CANT1: variants seen among roughly 807,000 people sequenced by gnomAD.
The protein encoded by CANT1 is calcium activated nucleotidase 1, also known as soluble calcium-activated nucleotidase 1.
A neutral mutation model predicts 30.0 loss-of-function variants in CANT1; 26 were observed. The observed-to-expected ratio is 0.87, with a 90% CI of 0.64 to 1.20. The LOEUF (loss-of-function observed/expected upper bound fraction) is 1.20, where lower values mean the gene tolerates loss of function less well. Among genes scored for constraint, CANT1 ranks in the 50% most tolerant of loss-of-function variants. The pLI is 0.00. For synonymous variants in CANT1, 246 were observed against 251.8 expected (o/e 0.98, Z 0.22); for missense variants, 518 against 563.0 (o/e 0.92, Z 0.81).
In CANT1 at chr17:78,993,885, T is replaced by C. The variant is rs1423438686; in HGVS notation, c.871A>G (p.Thr291Ala). ...GGCAGGAAGAACCAGCGCTGCAGCGTGTCACTCCAGCAGGCAGACTCATGG... is the reference window on the plus strand; with the variant it reads ...GGCAGGAAGAACCAGCGCTGCAGCGCGTCACTCCAGCAGGCAGACTCATGG... ...LIHESACWSD[T>A]LQRWFFLPRR... The change falls in exon 5 of 5, where the codon ACG becomes GCG. Residue 291 changes from threonine (T) to alanine (A), a missense_variant. Physicochemically the swap from Thr to Ala is moderately conservative, Grantham distance 58 (BLOSUM62 0). Transcript: ENST00000392446. The surrounding 1 kb of genome is among the most constrained non-coding windows in gnomAD (Gnocchi z 4.5). 8 of 1,593,664 alleles carry C rather than the reference T, an allele frequency of 5.0e-6. No homozygotes were observed. The highest frequency in any genetic ancestry group is 6.8e-6 in the Non-Finnish European group (8 of 1,175,650).
Position 79,002,536 on chromosome 17 carries a change from G to A in CANT1, c.-146-4573C>T, listed in dbSNP as rs1020325322. Among the ~76,000 whole-genome samples the A allele has an allele frequency of 1.1e-4, 17 of 152,002 alleles. No homozygotes were observed. The highest frequency in any genetic ancestry group is 3.4e-4 in the African/African-American group (14 of 41,374). On this transcript the variant is annotated intron_variant, in intron 1 of 4. Coordinates refer to ENST00000392446, the MANE Select transcript of CANT1 (RefSeq NM_001159773.2). This position sits in a 1 kb window ranked among gnomAD's most constrained non-coding sequence, Gnocchi z 4.0. ...GTGTGTAGACGCGGCCTGCGTAGAC[G>A]CGGCCTGCTGTGTAGTCACGTCCTG...
At position 78,992,981 on chromosome 17, in the gene CANT1, G is replaced by A. The variant is rs2070889534; in HGVS notation, c.*569C>T. On this transcript the variant is annotated 3_prime_UTR_variant, in exon 5 of 5. Coordinates refer to ENST00000392446, the MANE Select transcript of CANT1 (RefSeq NM_001159773.2). ...CCTGAGAACCAACAGATGTGCCTGC[G>A]CCCTGGCCTGTGCAGCTGTGGGCAG... 5.7e-6 allele frequency: 2 copies of A among 352,364 alleles called. No individual in the cohort carries two copies. The highest frequency in any genetic ancestry group is 3.6e-5 in the South Asian group (1 of 27,812). 21.8% of individuals were successfully genotyped at this position (352,364 alleles called of 1,614,324 possible).
At chr17:79,001,857 A>G (rs1158887030) in intron 1 of CANT1, among the ~76,000 whole-genome samples, 1 of 152,060 alleles carries the variant, frequency 6.6e-6, no homozygotes, top group Admixed American at 6.5e-5. Flanking sequence ...GAGCCTCCTC[A>G]TCCGATACCC....
In CANT1 at chr17:78,993,982, A is replaced by G. The variant is rs2070934942; in HGVS notation, c.836-62T>C. 4.6e-6 allele frequency: 7 copies of G among 1,517,970 alleles called. No individual in the cohort carries two copies. Among genetic ancestry groups the G allele is most frequent in the Non-Finnish European group, 6.2e-6 (7 of 1,136,916 alleles). 94.0% of individuals were successfully genotyped at this position (1,517,970 alleles called of 1,614,324 possible). On this transcript the variant is annotated intron_variant, in intron 4 of 4. Coordinates refer to ENST00000392446, the MANE Select transcript of CANT1 (RefSeq NM_001159773.2). The surrounding 1 kb of genome is among the most constrained non-coding windows in gnomAD (Gnocchi z 4.5). Reference sequence around the variant, plus strand: ...GGCCTGGTGTGCCCAGCCCCACACCATCAGGCCGTGCGCAGTAGCAGGCAA... The same window carrying G: ...GGCCTGGTGTGCCCAGCCCCACACCGTCAGGCCGTGCGCAGTAGCAGGCAA...
rs1349991547 is a variant in CANT1 at position 79,008,943 on chromosome 17, T to C, written c.-147+721A>G. On this transcript the variant is annotated intron_variant, in intron 1 of 4. Coordinates refer to ENST00000392446, the MANE Select transcript of CANT1 (RefSeq NM_001159773.2). This position sits in a 1 kb window ranked among gnomAD's most constrained non-coding sequence, Gnocchi z 4.4. Reference sequence around the variant, plus strand: ...TGGGATGGGGTGGGGAAGGTTGGCCTGTTACAGGTTTGACCAAGTGCCAGT... The same window carrying C: ...TGGGATGGGGTGGGGAAGGTTGGCCCGTTACAGGTTTGACCAAGTGCCAGT... Among the ~76,000 whole-genome samples, 2 of 152,192 alleles carry C rather than the reference T, an allele frequency of 1.3e-5. No homozygotes were observed. The highest frequency in any genetic ancestry group is 2.9e-5 in the Non-Finnish European group (2 of 68,022).
rs1257422290 is a variant in CANT1, at chr17:78,993,195, G to A, written c.*355C>T. 5 of 410,730 alleles carry A rather than the reference G, an allele frequency of 1.2e-5. No individual in the cohort carries two copies. The highest frequency in any genetic ancestry group is 7.9e-5 in the African/African-American group (4 of 50,418). 25.4% of individuals were successfully genotyped at this position (410,730 alleles called of 1,614,324 possible). ...CACTGCGTTCTCAGGGTGAGGCATAGGGCCTGACATATGGTAGGAGCTCTA... is the reference window on the plus strand; with the variant it reads ...CACTGCGTTCTCAGGGTGAGGCATAAGGCCTGACATATGGTAGGAGCTCTA... On this transcript the variant is annotated 3_prime_UTR_variant, in exon 5 of 5. Transcript: ENST00000392446. The surrounding 1 kb of genome is among the most constrained non-coding windows in gnomAD (Gnocchi z 4.5).
In CANT1 at chr17:78,997,644, C is replaced by T; in HGVS notation, c.-22G>A. 1 of 1,548,278 alleles carries T rather than the reference C, an allele frequency of 6.5e-7. No individual in the cohort carries two copies. On this transcript the variant is annotated splice_region_variant and 5_prime_UTR_variant, in exon 3 of 5. Coordinates refer to ENST00000392446, the MANE Select transcript of CANT1 (RefSeq NM_001159773.2). The surrounding 1 kb of genome is among the most constrained non-coding windows in gnomAD (Gnocchi z 7.5). ...GCATCAGCGTGACAGACAGGCGGGA[C>T]CTGCACAGCCAGGGAGGGAGGAGAG...
At position 78,996,786 on chromosome 17, in the gene CANT1, A is replaced by G. The variant is rs1274162402; in HGVS notation, c.631+206T>C. 6.6e-6 allele frequency among the ~76,000 whole-genome samples: 1 copy of G among 152,202 alleles called. No homozygotes were observed. The highest frequency in any genetic ancestry group is 6.5e-5 in the Admixed American group (1 of 15,284). On this transcript the variant is annotated intron_variant, in intron 3 of 4. Transcript: ENST00000392446. The surrounding 1 kb of genome is among the most constrained non-coding windows in gnomAD (Gnocchi z 5.1). ...TCTAGCGATAAGCTCTTCCTCCTAG[A>G]AACTGCTCAGTGTGAAGTGACAGTA...
chr17:78,994,912 T>C, intron 4 of CANT1, 106 bp downstream of exon 4: 1 of 1,180,868 alleles, frequency 8.5e-7, no homozygotes. Context: ...AGAGCAAGAC[T>C]ATGTCTAAAA....
In CANT1 at chr17:78,992,890, A is replaced by C; in HGVS notation, c.*660T>G. ...TAAAACTTCAAAGTACTGCACAGCCACAGAATTTTCTTGAAGGGAGAAAGC... is the reference window on the plus strand; with the variant it reads ...TAAAACTTCAAAGTACTGCACAGCCCCAGAATTTTCTTGAAGGGAGAAAGC... On this transcript the variant is annotated 3_prime_UTR_variant, in exon 5 of 5. Transcript: ENST00000392446. 1 of 359,550 alleles carries C rather than the reference A, an allele frequency of 2.8e-6. No homozygotes were observed. The highest frequency in any genetic ancestry group is 3.2e-5 in the South Asian group (1 of 31,292). The allele number at this position is 359,550 out of a possible 1,614,324, so 22.3% of individuals were successfully genotyped here.
In CANT1 at chr17:78,996,934, C is replaced by G; in HGVS notation, c.631+58G>C. The G allele has an allele frequency of 6.2e-7, 1 of 1,606,454 alleles. No homozygotes were observed. The highest frequency in any genetic ancestry group is 8.5e-7 in the Non-Finnish European group (1 of 1,178,150). Reference sequence around the variant, plus strand: ...TTACCATGTGCCTGTGTTTGCCAGCCAGGCCCTGAGCTCCCACTCCCCACC... The same window carrying G: ...TTACCATGTGCCTGTGTTTGCCAGCGAGGCCCTGAGCTCCCACTCCCCACC... On this transcript the variant is annotated intron_variant, in intron 3 of 4. Transcript: ENST00000392446. The surrounding 1 kb of genome is among the most constrained non-coding windows in gnomAD (Gnocchi z 5.1).
chr17:79,003,174 T>C (rs1172171155), intron 1 of CANT1, among the ~76,000 whole-genome samples: 1 of 152,192 alleles, frequency 6.6e-6, no homozygotes, highest in Non-Finnish European at 1.5e-5. Flanking sequence ...CAGCCACCTT[T>C]GGTTAAACAA....
Position 78,995,253 on chromosome 17 carries a change from C to T in CANT1, c.632-32G>A, listed in dbSNP as rs1173380137. On this transcript the variant is annotated intron_variant, in intron 3 of 4. Coordinates refer to ENST00000392446, the MANE Select transcript of CANT1 (RefSeq NM_001159773.2). This position sits in a 1 kb window ranked among gnomAD's most constrained non-coding sequence, Gnocchi z 5.7. ...AAGCAGAGTGTCCTTAGGCCCCGCA[C>T]CCAGCTCCCGCCGCACCCCTGCACC... The T allele has an allele frequency of 1.2e-6, 2 of 1,602,494 alleles. No individual in the cohort carries two copies. Among genetic ancestry groups the T allele is most frequent in the Non-Finnish European group, 1.7e-6 (2 of 1,175,242 alleles).
At position 79,001,369 on chromosome 17, in the gene CANT1, T is replaced by A. The variant is rs1599236668; in HGVS notation, c.-146-3406A>T. On this transcript the variant is annotated intron_variant, in intron 1 of 4. Transcript: ENST00000392446. ...GGCTCACACCTGCCACTCAGGTCAG[T>A]CCCCCCAGCCGCCGGGCACCTGCTC... Among the ~76,000 whole-genome samples, 3 of 151,896 alleles carry A rather than the reference T, an allele frequency of 2.0e-5. No individual in the cohort carries two copies. In the South Asian group the frequency reaches 6.2e-4, roughly 32 times the overall value.
At chr17:79,003,676 C>G (rs1009040658) in intron 1 of CANT1, among the ~76,000 whole-genome samples, 1 of 152,016 alleles carries the variant, frequency 6.6e-6, no homozygotes, top group East Asian at 2.0e-4. Flanking sequence ...TAATCAGCAA[C>G]AAGAGGACTC....
At chr17:79,007,332 G>A (rs1014877625) in intron 1 of CANT1, among the ~76,000 whole-genome samples, 20 of 152,270 alleles carry the variant, frequency 1.3e-4, no homozygotes, top group Non-Finnish European at 2.6e-4. Context: ...CGATAGTTCA[G>A]AGTGCACTGA....
intron 1 of CANT1, among the ~76,000 whole-genome samples, chr17:79,006,515 G>C (rs931784183): frequency 6.6e-6 from 1 of 152,216 alleles, no homozygotes; most frequent in African/African-American, 2.4e-5. Context: ...AGGAGGAAGA[G>C]GGGAAAGAGC....
chr17:78,998,944 G>T lies in CANT1; in HGVS notation c.-146-981C>A, dbSNP rs1041381244. On this transcript the variant is annotated intron_variant, in intron 1 of 4. Coordinates refer to ENST00000392446, the MANE Select transcript of CANT1 (RefSeq NM_001159773.2). The surrounding 1 kb of genome is among the most constrained non-coding windows in gnomAD (Gnocchi z 4.5). Reference sequence around the variant, plus strand: ...GCCAGGGCGCCTGGGAAGGGCTTGGGGACTCCAGTGGCTCCGTGCAATTCT... The same window carrying T: ...GCCAGGGCGCCTGGGAAGGGCTTGGTGACTCCAGTGGCTCCGTGCAATTCT... Among the ~76,000 whole-genome samples, 1 of 152,170 alleles carries T rather than the reference G, an allele frequency of 6.6e-6. No homozygotes were observed. Among genetic ancestry groups the T allele is most frequent in the Non-Finnish European group, 1.5e-5 (1 of 68,028 alleles).
rs965450213 is a variant in CANT1, at chr17:78,996,478, A to AG, written c.631+513dup. Among the ~76,000 whole-genome samples, 16 of 152,204 alleles carry AG rather than the reference A, an allele frequency of 1.1e-4. No homozygotes were observed. The highest frequency in any genetic ancestry group is 2.6e-4 in the Admixed American group (4 of 15,288). ...AAAGGCTGGCATCAGGCTCCACTCCAGGGGGGTTGGCACAGCTCACACATG... is the reference window on the plus strand; with the variant it reads ...AAAGGCTGGCATCAGGCTCCACTCCAGGGGGGGTTGGCACAGCTCACACATG... On this transcript the variant is annotated intron_variant, in intron 3 of 4. Coordinates refer to ENST00000392446, the MANE Select transcript of CANT1 (RefSeq NM_001159773.2). This position sits in a 1 kb window ranked among gnomAD's most constrained non-coding sequence, Gnocchi z 5.1.
Sources: allele counts gnomAD v4.1 joint callset (sites outside exome capture counted in the v4.1 genomes callset), GRCh38; gene constraint gnomAD v4.1.1; non-coding constraint Gnocchi (gnomAD v3.1); transcripts MANE v1.5; gene names NCBI Gene and HGNC (gene_info 2026-07-23, HGNC 2026-07-21).